DENND5B: variants seen among roughly 807,000 people sequenced by gnomAD.
DENND5B encodes the protein DENN domain-containing protein 5B.
DENND5B carries 34 observed loss-of-function variants against 140.6 expected under a neutral mutation model. The observed-to-expected ratio is 0.24, with a 90% CI of 0.18 to 0.32. DENND5B has a LOEUF of 0.32. DENND5B is among the 10% of genes least tolerant of loss of function. The pLI, the probability that DENND5B is intolerant of heterozygous loss-of-function variation, is 1.00. For missense variants in DENND5B, 1,142 were observed against 1,560.2 expected (o/e 0.73, Z 4.52); for synonymous variants, 551 against 562.1 (o/e 0.98, Z 0.28).
chr12:31,447,785 T>C lies in DENND5B; in HGVS notation c.1630-16A>G, dbSNP rs750984094. On this transcript the variant is annotated splice_polypyrimidine_tract_variant and intron_variant, in intron 5 of 20. Coordinates refer to ENST00000389082, the MANE Select transcript of DENND5B (RefSeq NM_144973.4). The stretch of plus-strand genomic sequence containing the variant: ...GAAAGGAAGCCTGTAATGAGATAAT[T>C]AGGAAATTATTAGTGCAAAGAGACC... 4.7e-5 allele frequency: 72 copies of C among 1,539,842 alleles called. No individual in the cohort carries two copies. The East Asian group carries it at 1.4e-3, about 30-fold the overall frequency.
intron 11 of DENND5B, among the ~76,000 whole-genome samples, chr12:31,420,945 G>A (rs1228955245): frequency 1.3e-5 from 2 of 152,062 alleles, no homozygotes; most frequent in African/African-American, 4.8e-5. Context: ...AAATGTCTCT[G>A]ACTCCTGTTT....
chr12:31,424,424 C>A, intron 10 of DENND5B, 111 bp downstream of exon 10: 1 of 1,320,624 alleles, frequency 7.6e-7, no homozygotes, highest in Non-Finnish European at 1.0e-6. Flanking sequence ...TTTTCTAGTC[C>A]CCTTGTGACA....
chr12:31,511,255 TC>T (rs1947398244), intron 1 of DENND5B, among the ~76,000 whole-genome samples: 1 of 151,980 alleles, frequency 6.6e-6, no homozygotes. Flanking sequence ...AAACAAAGAT[TC>T]TATTCAGAAG....
At chr12:31,502,772 CAAG>C (rs2138841790) in intron 1 of DENND5B, among the ~76,000 whole-genome samples, 1 of 152,308 alleles carries the variant, frequency 6.6e-6, no homozygotes, top group African/African-American at 2.4e-5. Flanking sequence ...ATATCCCAAA[CAAG>C]GTTTACAGAA....
intron 1 of DENND5B, among the ~76,000 whole-genome samples, chr12:31,554,441 T>C (rs1228172693): frequency 6.6e-6 from 1 of 152,216 alleles, no homozygotes; most frequent in African/African-American, 2.4e-5. Flanking sequence ...CTGCTGTTAG[T>C]CTGATGGGCT....
chr12:31,521,432 C>A (rs1466666923), intron 1 of DENND5B, among the ~76,000 whole-genome samples: 1 of 151,970 alleles, frequency 6.6e-6, no homozygotes, highest in Non-Finnish European at 1.5e-5. Flanking sequence ...GGAATACAGG[C>A]ACACACCACT....
rs1459725774 is a variant in DENND5B at position 31,382,428 on chromosome 12, AAAC to A, written c.*5172_*5174del. The A allele has an allele frequency of 9.2e-5, 14 of 152,332 alleles. No homozygotes were observed. Among genetic ancestry groups the A allele is most frequent in the African/African-American group, 3.4e-4 (14 of 41,588 alleles). 9.4% of individuals were successfully genotyped at this position (152,332 alleles called of 1,614,324 possible). A position where few individuals can be genotyped will look rare whatever the true frequency, so the allele number is the denominator to read the frequency against. ...TGCATTTTGCTAACAATACAAAGAA[AAAC>A]AATATAATTTAAATTCAGAAAAGCT... On this transcript the variant is annotated 3_prime_UTR_variant, in exon 21 of 21. Transcript: ENST00000389082.
intron 5 of DENND5B, among the ~76,000 whole-genome samples, chr12:31,450,047 G>A (rs1944446633): frequency 6.6e-6 from 1 of 152,094 alleles, no homozygotes; most frequent in Admixed American, 6.5e-5. Context: ...TTAGTTCTAA[G>A]CTAGATAGGA....
Position 31,452,336 on chromosome 12 carries a change from T to C in DENND5B, c.1233A>G (p.Leu411=), listed in dbSNP as rs34234771. The C allele has an allele frequency of 8.7e-3, 14,103 of 1,613,998 alleles. 83 individuals carry two copies. Among genetic ancestry groups the C allele is most frequent in the Non-Finnish European group, 9.8e-3 (11,511 of 1,179,886 alleles). ...VQFGIPPEGS[L]HCSESTSKLK... is the part of the protein sequence containing the mutation. ...GTTTGCTGGTACTCTCACTGCAATGTAGGCTGCCCTCAGGAGGGATCCCAA... is the reference window on the plus strand; with the variant it reads ...GTTTGCTGGTACTCTCACTGCAATGCAGGCTGCCCTCAGGAGGGATCCCAA... Residue 411 remains leucine (L), a synonymous_variant, in exon 5 of 21, where the codon CTA becomes CTG. Transcript: ENST00000389082.
At chr12:31,452,537 T>A (rs1944583204) in intron 4 of DENND5B, 61 bp from the exon 5 acceptor site, 2 of 1,482,190 alleles carry the variant, frequency 1.3e-6, no homozygotes, top group African/African-American at 1.4e-5. Context: ...GCTAACATAT[T>A]CTTGCCAGCC....
intron 1 of DENND5B, among the ~76,000 whole-genome samples, chr12:31,574,267 A>AAAAAAAAATAAT (rs141072772): frequency 1.1e-5 from 1 of 89,702 alleles, no homozygotes; most frequent in African/African-American, 3.1e-5. Flanking sequence ...TGTCTCTAAA[A>AAAAAAAAATAAT]AATAATAATA....
At chr12:31,515,836 G>A (rs1221627675) in intron 1 of DENND5B, among the ~76,000 whole-genome samples, 1 of 152,146 alleles carries the variant, frequency 6.6e-6, no homozygotes, top group East Asian at 1.9e-4. Flanking sequence ...GCTTAGCCAA[G>A]CATATTAGGA....
intron 1 of DENND5B, among the ~76,000 whole-genome samples, chr12:31,581,027 C>T (rs895675089): frequency 5.3e-5 from 8 of 152,158 alleles, no homozygotes; most frequent in African/African-American, 1.9e-4. Flanking sequence ...ATCACTTGAG[C>T]CTAGGAGGTT....
At chr12:31,416,982 T>C (rs544352567) in intron 11 of DENND5B, among the ~76,000 whole-genome samples, 32 of 147,688 alleles carry the variant, frequency 2.2e-4, no homozygotes, top group African/African-American at 7.8e-4. Flanking sequence ...CACCAGTTGC[T>C]TGGGAGGCTG....
chr12:31,553,290 A>G (rs191643124), intron 1 of DENND5B, among the ~76,000 whole-genome samples: 6 of 152,298 alleles, frequency 3.9e-5, no homozygotes, highest in African/African-American at 1.4e-4. Context: ...TTCAAGGAAC[A>G]TCTTTATTTC....
chr12:31,495,695 AC>A, intron 2 of DENND5B, 114 bp downstream of exon 2: 1 of 879,254 alleles, frequency 1.1e-6, no homozygotes, highest in Admixed American at 3.0e-5. Context: ...TTATAAAATC[AC>A]TTAAAGAATA....
chr12:31,493,895 C>T (rs1773457524), intron 2 of DENND5B, among the ~76,000 whole-genome samples: 1 of 152,074 alleles, frequency 6.6e-6, no homozygotes, highest in African/African-American at 2.4e-5. Flanking sequence ...TGTCTCAGTT[C>T]ACCTTTAATC....
chr12:31,512,878 T>G (rs777398419), intron 1 of DENND5B, among the ~76,000 whole-genome samples: 1 of 152,202 alleles, frequency 6.6e-6, no homozygotes, highest in African/African-American at 2.4e-5. Context: ...CTTACATTAG[T>G]ACATTTATTA....
intron 1 of DENND5B, among the ~76,000 whole-genome samples, chr12:31,501,317 C>T (rs942654109): frequency 1.3e-5 from 2 of 152,220 alleles, no homozygotes; most frequent in African/African-American, 2.4e-5. Context: ...GATGTGTTTA[C>T]TTCCCCTTCC....
Sources: gnomAD v4.1 joint callset for allele counts (sites outside exome capture counted in the v4.1 genomes callset) on GRCh38, gnomAD v4.1.1 for gene constraint, MANE v1.5 for transcripts, NCBI Gene and HGNC (gene_info 2026-07-23, HGNC 2026-07-21) for gene names.